Variants in SNX25 observed in about 807,000 individuals in gnomAD.
SNX25 encodes the protein sorting nexin 25, also known as sorting nexin-25.
Under a neutral mutation model 113.7 loss-of-function variants are expected in SNX25, and 62 were observed. The ratio of observed to expected loss-of-function variants is 0.55; its 90% CI spans 0.44 to 0.67. SNX25 has a LOEUF of 0.67. Ranked by LOEUF, SNX25 falls within the 30% of genes least tolerant of loss-of-function variation. SNX25 has a pLI of 0.00. For synonymous variants in SNX25, 421 were observed against 436.2 expected, an observed-to-expected ratio of 0.97 and a Z score of 0.43; for missense variants, 1,014 against 1,161.0, an observed-to-expected ratio of 0.87 and a Z score of 1.84.
At chr4:185,288,661 G>A (rs1216181484) in intron 6 of SNX25, among the ~76,000 whole-genome samples, 3 of 151,822 alleles carry the variant, frequency 2.0e-5, no homozygotes, top group Non-Finnish European at 4.4e-5. Context: ...CTTCCTGTTT[G>A]TTTCTCTTCC....
Position 185,210,329 on chromosome 4 carries a change from C to G in SNX25, c.429+74C>G, listed in dbSNP as rs1447125984. The stretch of plus-strand genomic sequence containing the variant: ...CCGGTGCCAGCTCCCGCGCCCCGAG[C>G]TCCGGGGGGCCGCGGCATGCCCTTG... On this transcript the variant is annotated intron_variant, in intron 1 of 18. Transcript: ENST00000652585. This position sits in a 1 kb window ranked among gnomAD's most constrained non-coding sequence, Gnocchi z 4.4. The G allele has an allele frequency of 2.9e-5, 29 of 984,178 alleles. No homozygotes were observed. The highest frequency in any genetic ancestry group is 3.5e-5 in the Non-Finnish European group (29 of 829,482). 61.0% of individuals were successfully genotyped at this position (984,178 alleles called of 1,614,324 possible).
chr4:185,275,040 C>A (rs181511834), intron 5 of SNX25, among the ~76,000 whole-genome samples: 1 of 152,252 alleles, frequency 6.6e-6, no homozygotes, highest in East Asian at 1.9e-4. Flanking sequence ...TCTCGGCTGG[C>A]ACTAAACCTT....
chr4:185,339,124 T>G (rs774732139), intron 10 of SNX25, among the ~76,000 whole-genome samples: 3 of 152,226 alleles, frequency 2.0e-5, no homozygotes, highest in Non-Finnish European at 2.9e-5. Flanking sequence ...ATATTTGTCT[T>G]CTTTAGTCTC....
At chr4:185,247,799 A>C (rs545707660) in intron 2 of SNX25, among the ~76,000 whole-genome samples, 21 of 152,330 alleles carry the variant, frequency 1.4e-4, no homozygotes, top group Non-Finnish European at 2.5e-4. Flanking sequence ...GTGAGTTTAC[A>C]ATGAAGCTTG....
intron 6 of SNX25, among the ~76,000 whole-genome samples, chr4:185,296,971 C>T (rs1023863165): frequency 2.0e-5 from 3 of 152,180 alleles, no homozygotes; most frequent in South Asian, 2.1e-4. Flanking sequence ...GACCTTTCTG[C>T]GGCATTTGAT....
downstream of SNX25, among the ~76,000 whole-genome samples, chr4:185,372,488 A>C (rs1017861203): frequency 3.3e-5 from 5 of 152,258 alleles, no homozygotes; most frequent in African/African-American, 1.2e-4. Flanking sequence ...AGGATTTGGC[A>C]TAGAACATGT....
rs368547363 is a variant in SNX25 at position 185,288,101 on chromosome 4, T to C, written c.1162+19T>C. ...CACAAAGGTAAGAGCCAGGTTGTTT[T>C]CTTCAGTTCCACATCTGAAAGGTCA... On this transcript the variant is annotated intron_variant, in intron 6 of 18. Coordinates refer to ENST00000652585, the MANE Select transcript of SNX25 (RefSeq NM_001378034.2). 11 of 1,606,884 alleles carry C rather than the reference T, an allele frequency of 6.8e-6. No individual in the cohort carries two copies. The African/African-American group carries it at 1.5e-4, about 22-fold the overall frequency.
chr4:185,266,284 T>G (rs1479471366), intron 4 of SNX25, among the ~76,000 whole-genome samples: 1 of 152,194 alleles, frequency 6.6e-6, no homozygotes, highest in Non-Finnish European at 1.5e-5. Flanking sequence ...TTTGGCAGAC[T>G]AAGCTTGTCA....
chr4:185,339,579 GA>G (rs2095249648), intron 11 of SNX25, 69 bp downstream of exon 11: 1 of 1,538,216 alleles, frequency 6.5e-7, no homozygotes, highest in Non-Finnish European at 8.8e-7. Flanking sequence ...ATTTTATCCT[GA>G]AGAATGAAGA....
chr4:185,231,026 C>T (rs1055701638), intron 1 of SNX25, among the ~76,000 whole-genome samples: 5 of 151,980 alleles, frequency 3.3e-5, no homozygotes, highest in Admixed American at 3.3e-4. Context: ...CTGCATTGCT[C>T]AGTCCTCTCT....
chr4:185,217,413 C>T (rs1739048155), intron 1 of SNX25, among the ~76,000 whole-genome samples: 1 of 152,140 alleles, frequency 6.6e-6, no homozygotes, highest in African/African-American at 2.4e-5. Context: ...CAAGAATATT[C>T]TCAGGAGGGT....
At chr4:185,220,382 T>C (rs1369603993) in intron 1 of SNX25, among the ~76,000 whole-genome samples, 1 of 152,128 alleles carries the variant, frequency 6.6e-6, no homozygotes, top group Non-Finnish European at 1.5e-5. Flanking sequence ...GCTGCACCCA[T>C]TAACTCGTCA....
upstream of SNX25, among the ~76,000 whole-genome samples, chr4:185,207,337 C>T (rs1737232233): frequency 6.6e-6 from 1 of 151,624 alleles, no homozygotes; most frequent in Non-Finnish European, 1.5e-5. Flanking sequence ...CTGCCTCAGC[C>T]TCCCGAGTAG....
the SNX25 span, chr4:185,375,828 T>C: frequency 1.6e-6 from 1 of 606,126 alleles, no homozygotes; most frequent in Non-Finnish European, 2.8e-6. Context: ...AAACACACAG[T>C]TAACAAGCAA....
chr4:185,291,955 G>A (rs1452789539), intron 6 of SNX25, among the ~76,000 whole-genome samples: 1 of 152,122 alleles, frequency 6.6e-6, no homozygotes, highest in Non-Finnish European at 1.5e-5. Flanking sequence ...TTCAAGTATA[G>A]CATTTAGTTC....
At chr4:185,346,891 G>C (rs1158811723) in intron 13 of SNX25, among the ~76,000 whole-genome samples, 4 of 152,128 alleles carry the variant, frequency 2.6e-5, no homozygotes, top group Admixed American at 6.5e-5. Context: ...CCAGTCCAAT[G>C]CACTGGTTAT....
At chr4:185,347,119 T>C (rs1038541735) in intron 13 of SNX25, among the ~76,000 whole-genome samples, 5 of 152,274 alleles carry the variant, frequency 3.3e-5, no homozygotes, top group African/African-American at 1.2e-4. Context: ...TTTTCGTTGC[T>C]GTGAGAGGTT....
chr4:185,355,630 A>G (rs2095335519), intron 15 of SNX25, among the ~76,000 whole-genome samples: 1 of 152,274 alleles, frequency 6.6e-6, no homozygotes, highest in Non-Finnish European at 1.5e-5. Flanking sequence ...AAATATCTAT[A>G]TGATGGAATA....
At chr4:185,281,565 A>G (rs927140427) in intron 5 of SNX25, among the ~76,000 whole-genome samples, 5 of 152,140 alleles carry the variant, frequency 3.3e-5, no homozygotes, top group African/African-American at 1.2e-4. Context: ...ACACTTTCTC[A>G]TTTATCCAGC....
Sources: allele counts gnomAD v4.1 joint callset (sites outside exome capture counted in the v4.1 genomes callset), GRCh38; gene constraint gnomAD v4.1.1; non-coding constraint Gnocchi (gnomAD v3.1); transcripts MANE v1.5; gene names NCBI Gene and HGNC (gene_info 2026-07-23, HGNC 2026-07-21).